SOX6: variants seen among roughly 807,000 people sequenced by gnomAD.
The protein encoded by SOX6 is SRY-box transcription factor 6.
Under a neutral mutation model 97.8 loss-of-function variants are expected in SOX6, and 11 were observed. The observed-to-expected ratio is 0.11, with a 90% CI of 0.07 to 0.19. The LOEUF (loss-of-function observed/expected upper bound fraction) is 0.19. SOX6 is among the 10% of genes least tolerant of loss of function. SOX6 has a pLI of 1.00. For missense variants in SOX6, 810 were observed against 1,039.5 expected, an observed-to-expected ratio of 0.78 and a Z score of 3.04; for synonymous variants, 360 against 371.4, an observed-to-expected ratio of 0.97 and a Z score of 0.35.
In SOX6 at chr11:16,688,307, G is replaced by A. The variant is rs139548392; in HGVS notation, n.429+26523C>T. ...TATTATAATGAGTTTCTTATGATTG[G>A]AGCTTATGATTTTTAACAAATCTGA... On this transcript the variant is annotated intron_variant and non_coding_transcript_variant, in intron 3 of 5. Coordinates refer to the SOX6 transcript ENST00000524520. Among the ~76,000 whole-genome samples, 1,314 of 152,114 alleles carry A rather than the reference G, an allele frequency of 8.6e-3. 9 individuals are homozygous for A. The highest frequency in any genetic ancestry group is 0.016 in the Admixed American group (239 of 15,276).
intron 13 of SOX6, among the ~76,000 whole-genome samples, chr11:15,999,005 T>G (rs1854318589): frequency 6.6e-6 from 1 of 152,096 alleles, no homozygotes; most frequent in Non-Finnish European, 1.5e-5. Flanking sequence ...GGAAAAAATA[T>G]TTGGAACACA....
chr11:16,114,679 G>T (rs575641411), intron 6 of SOX6, among the ~76,000 whole-genome samples: 1 of 152,258 alleles, frequency 6.6e-6, no homozygotes, highest in East Asian at 1.9e-4. Context: ...CAGACAACAT[G>T]CCTCACAGAG....
chr11:16,503,823 T>TCA (rs1305666897), intron 4 of SOX6, among the ~76,000 whole-genome samples: 1 of 152,118 alleles, frequency 6.6e-6, no homozygotes, highest in Non-Finnish European at 1.5e-5. Context: ...GGTGGGCAGA[T>TCA]CACGAGGTCA....
At chr11:16,247,856 T>C (rs1469647218) in intron 3 of SOX6, among the ~76,000 whole-genome samples, 1 of 152,136 alleles carries the variant, frequency 6.6e-6, no homozygotes, top group Non-Finnish European at 1.5e-5. Flanking sequence ...CCCCAAAGTC[T>C]TAACTCATTT....
chr11:16,049,428 G>A (rs1256565546), intron 11 of SOX6, among the ~76,000 whole-genome samples: 1 of 152,106 alleles, frequency 6.6e-6, no homozygotes, highest in Non-Finnish European at 1.5e-5. Context: ...TCTTTTGAAA[G>A]GTTGCTTTGA....
At chr11:16,507,436 A>G (rs1019609749) in intron 4 of SOX6, among the ~76,000 whole-genome samples, 2 of 152,166 alleles carry the variant, frequency 1.3e-5, no homozygotes, top group African/African-American at 4.8e-5. Context: ...TTATGAAACT[A>G]AAAAAAGGGC....
chr11:16,193,476 T>C (rs1477160440), intron 4 of SOX6, among the ~76,000 whole-genome samples: 1 of 152,210 alleles, frequency 6.6e-6, no homozygotes, highest in Non-Finnish European at 1.5e-5. Context: ...TCCCAGGGAA[T>C]TTAAAATGAG....
At chr11:16,181,316 T>A (rs1221963618) in intron 6 of SOX6, among the ~76,000 whole-genome samples, 41 of 151,866 alleles carry the variant, frequency 2.7e-4, no homozygotes, top group Non-Finnish European at 1.6e-4. Flanking sequence ...AAGTTAAGTT[T>A]CATTTTTAAT....
intron 1 of SOX6, among the ~76,000 whole-genome samples, chr11:16,352,656 T>C (rs906058837): frequency 1.3e-5 from 2 of 152,176 alleles, no homozygotes; most frequent in Admixed American, 1.3e-4. Flanking sequence ...TCAATTATTA[T>C]CTGAATTATT....
At chr11:16,119,349 T>G (rs1849433630) in intron 6 of SOX6, among the ~76,000 whole-genome samples, 1 of 152,184 alleles carries the variant, frequency 6.6e-6, no homozygotes, top group Non-Finnish European at 1.5e-5. Flanking sequence ...AGTCTCAAAC[T>G]TTTTTGTTAA....
chr11:16,066,165 C>T (rs1442478754), intron 9 of SOX6, among the ~76,000 whole-genome samples: 2 of 152,102 alleles, frequency 1.3e-5, no homozygotes, highest in Admixed American at 6.6e-5. Flanking sequence ...TGAAAAGTTG[C>T]TCAACATCAC....
chr11:16,066,464 C>T (rs1484360651), intron 9 of SOX6, among the ~76,000 whole-genome samples: 1 of 152,172 alleles, frequency 6.6e-6, no homozygotes, highest in Non-Finnish European at 1.5e-5. Flanking sequence ...ATGTTTATTG[C>T]AGCACTGTTT....
chr11:16,531,846 A>G (rs1372989550), intron 4 of SOX6, among the ~76,000 whole-genome samples: 6 of 151,918 alleles, frequency 3.9e-5, no homozygotes, highest in African/African-American at 1.4e-4. Context: ...GTTTGCTACT[A>G]CATTGTTTCG....
chr11:16,715,772 T>C (rs1403152979), intron 2 of SOX6, among the ~76,000 whole-genome samples: 1 of 152,142 alleles, frequency 6.6e-6, no homozygotes, highest in Non-Finnish European at 1.5e-5. Context: ...AACAATAGTT[T>C]AATGGTTTTG....
chr11:16,181,204 C>A (rs947914193), intron 6 of SOX6, among the ~76,000 whole-genome samples: 1 of 151,378 alleles, frequency 6.6e-6, no homozygotes, highest in East Asian at 1.9e-4. Context: ...ATCTTGCTGA[C>A]CATGTAAGCT....
At chr11:16,168,724 G>A (rs1044185406) in intron 6 of SOX6, among the ~76,000 whole-genome samples, 7 of 152,104 alleles carry the variant, frequency 4.6e-5, no homozygotes, top group Non-Finnish European at 8.8e-5. Context: ...CATCATGGCT[G>A]TACACAAGGC....
At chr11:16,026,605 C>T (rs955008799) in intron 12 of SOX6, among the ~76,000 whole-genome samples, 12 of 152,080 alleles carry the variant, frequency 7.9e-5, no homozygotes, top group Non-Finnish European at 1.8e-4. Context: ...AGAAGAGGGC[C>T]TTTCTTCAGA....
At chr11:16,562,623 A>C (rs1452312119) in intron 4 of SOX6, among the ~76,000 whole-genome samples, 1 of 152,090 alleles carries the variant, frequency 6.6e-6, no homozygotes, top group Non-Finnish European at 1.5e-5. Flanking sequence ...ACCCCCGGAA[A>C]TGTCAAAGAA....
intron 2 of SOX6, among the ~76,000 whole-genome samples, chr11:16,324,186 A>AAAAC (rs991365535): frequency 9.9e-5 from 15 of 152,158 alleles, no homozygotes; most frequent in South Asian, 4.2e-4. Flanking sequence ...TCTGTCTCTC[A>AAAAC]AAACAAACAA....
Sources: gnomAD v4.1 joint callset for allele counts (sites outside exome capture counted in the v4.1 genomes callset) on GRCh38, gnomAD v4.1.1 for gene constraint, MANE v1.5 for transcripts, NCBI Gene and HGNC (gene_info 2026-07-23, HGNC 2026-07-21) for gene names.